EYS: variants seen among roughly 807,000 people sequenced by gnomAD.
EYS encodes protein eyes shut homolog.
Under a neutral mutation model 282.1 loss-of-function variants are expected in EYS, and 250 were observed. That is an observed-to-expected ratio of 0.89 (90% CI 0.80 to 0.98). The LOEUF is 0.98. EYS is among the 50% of genes least tolerant of loss of function. The pLI is 0.00. For missense variants in EYS, 4,016 were observed against 3,709.0 expected (o/e 1.08, Z -2.15); for synonymous variants, 1,355 against 1,282.9 (o/e 1.06, Z -1.20).
intron 22 of EYS, among the ~76,000 whole-genome samples, chr6:64,779,575 T>C (rs1773794753): frequency 6.6e-6 from 1 of 152,076 alleles, no homozygotes; most frequent in South Asian, 2.1e-4. Flanking sequence ...CATGCCATTA[T>C]ACATTAGTTA....
chr6:64,668,667 C>T (rs898812570), intron 22 of EYS, among the ~76,000 whole-genome samples: 7 of 150,892 alleles, frequency 4.6e-5, no homozygotes, highest in Non-Finnish European at 8.9e-5. Flanking sequence ...TGGGTTCACA[C>T]CATTCTCCTG....
At chr6:65,475,238 G>A (rs1765356642) in intron 5 of EYS, among the ~76,000 whole-genome samples, 1 of 151,954 alleles carries the variant, frequency 6.6e-6, no homozygotes. Flanking sequence ...ACATTGTACA[G>A]AGTTCAAAAC....
intron 5 of EYS, among the ~76,000 whole-genome samples, chr6:65,468,767 C>T (rs1765100574): frequency 6.6e-6 from 1 of 152,006 alleles, no homozygotes; most frequent in Non-Finnish European, 1.5e-5. Context: ...AGAGAAATTT[C>T]AGTTCTGGTG....
intron 22 of EYS, among the ~76,000 whole-genome samples, chr6:64,717,134 G>T (rs938246888): frequency 6.6e-6 from 1 of 152,084 alleles, no homozygotes; most frequent in Non-Finnish European, 1.5e-5. Context: ...GTGAGAAAAA[G>T]GTATAGATGG....
At chr6:65,043,436 TC>T (rs1469632409) in intron 13 of EYS, among the ~76,000 whole-genome samples, 1 of 151,454 alleles carries the variant, frequency 6.6e-6, no homozygotes, top group Non-Finnish European at 1.5e-5. Context: ...TTAATGGTAA[TC>T]TAAAGTACTT....
chr6:65,525,582 CAAAT>C (rs1318469595), intron 2 of EYS, among the ~76,000 whole-genome samples: 1 of 152,180 alleles, frequency 6.6e-6, no homozygotes, highest in Non-Finnish European at 1.5e-5. Flanking sequence ...GTTTGTTTCT[CAAAT>C]AAATTAATCT....
chr6:64,349,055 C>A (rs900227506), intron 29 of EYS, among the ~76,000 whole-genome samples: 2 of 151,210 alleles, frequency 1.3e-5, no homozygotes, highest in Non-Finnish European at 3.0e-5. Context: ...TGCTTTTGAT[C>A]TTAAAATTAT....
intron 19 of EYS, among the ~76,000 whole-genome samples, chr6:64,836,271 T>C (rs1301904380): frequency 2.0e-5 from 3 of 150,730 alleles, no homozygotes; most frequent in Non-Finnish European, 3.0e-5. Flanking sequence ...GAGGAATACA[T>C]ATCATGAATA....
intron 13 of EYS, among the ~76,000 whole-genome samples, chr6:65,039,357 G>A (rs979904905): frequency 6.6e-6 from 1 of 151,282 alleles, no homozygotes; most frequent in African/African-American, 2.4e-5. Flanking sequence ...CACTTTCATT[G>A]ATCAAACCGT....
chr6:65,475,400 A>T (rs1376091148), intron 5 of EYS, among the ~76,000 whole-genome samples: 1 of 152,114 alleles, frequency 6.6e-6, no homozygotes, highest in Non-Finnish European at 1.5e-5. Flanking sequence ...GAACAATGTT[A>T]ATTAATAATA....
At chr6:64,908,801 A>G (rs1767907101) in intron 16 of EYS, among the ~76,000 whole-genome samples, 1 of 152,098 alleles carries the variant, frequency 6.6e-6, no homozygotes, top group Admixed American at 6.5e-5. Context: ...GTTAAAGTGA[A>G]GACAAGACTC....
chr6:65,614,028 G>C (rs746806691), intron 2 of EYS, among the ~76,000 whole-genome samples: 4 of 151,946 alleles, frequency 2.6e-5, no homozygotes, highest in Admixed American at 1.3e-4. Flanking sequence ...TCCATGATTA[G>C]TACAAAATTT....
intron 36 of EYS, among the ~76,000 whole-genome samples, chr6:63,855,334 A>G (rs1219126981): frequency 6.6e-6 from 1 of 152,246 alleles, no homozygotes; most frequent in African/African-American, 2.4e-5. Context: ...TAAGAAGATG[A>G]ATGTAAAGCA....
intron 33 of EYS, among the ~76,000 whole-genome samples, chr6:64,059,872 T>C (rs1771106159): frequency 1.3e-5 from 2 of 152,212 alleles, no homozygotes; most frequent in Admixed American, 1.3e-4. Flanking sequence ...CACATGCCAA[T>C]ATAATGATAA....
At chr6:65,135,077 A>G (rs965496612) in intron 12 of EYS, among the ~76,000 whole-genome samples, 3 of 152,216 alleles carry the variant, frequency 2.0e-5, no homozygotes, top group African/African-American at 7.2e-5. Context: ...GAGTGATGAC[A>G]CACTTCAGTA....
chr6:64,498,685 C>T (rs1776957450), intron 26 of EYS, among the ~76,000 whole-genome samples: 1 of 151,814 alleles, frequency 6.6e-6, no homozygotes, highest in Admixed American at 6.6e-5. Context: ...CATGTGTTCT[C>T]ATTGTTCAAC....
At chr6:65,539,875 T>G (rs944263897) in intron 2 of EYS, among the ~76,000 whole-genome samples, 3 of 152,286 alleles carry the variant, frequency 2.0e-5, no homozygotes, top group South Asian at 2.1e-4. Flanking sequence ...CCTTCTGTCA[T>G]GCATTTCATC....
At chr6:64,432,499 C>T (rs1774603353) in intron 28 of EYS, among the ~76,000 whole-genome samples, 2 of 150,808 alleles carry the variant, frequency 1.3e-5, no homozygotes, top group Admixed American at 1.3e-4. Flanking sequence ...TAAAGGCAAA[C>T]TCAATTATTA....
intron 13 of EYS, among the ~76,000 whole-genome samples, chr6:65,032,263 A>G (rs1772628882): frequency 6.6e-6 from 1 of 152,204 alleles, no homozygotes; most frequent in Non-Finnish European, 1.5e-5. Flanking sequence ...TACCAACCAG[A>G]AAAAGCCCAT....
Sources: gnomAD v4.1 joint callset for allele counts (sites outside exome capture counted in the v4.1 genomes callset) on GRCh38, gnomAD v4.1.1 for gene constraint, MANE v1.5 for transcripts, NCBI Gene and HGNC (gene_info 2026-07-23, HGNC 2026-07-21) for gene names.